The following DIAPH2 variants were observed in gnomAD, a reference collection of about 807,000 sequenced individuals.
DIAPH2 encodes the protein diaphanous related formin 2, also known as protein diaphanous homolog 2.
In DIAPH2, 35 loss-of-function variants were observed where a neutral mutation model predicts 92.7. The observed-to-expected ratio is 0.38, with a 90% CI of 0.29 to 0.50. DIAPH2 has a LOEUF of 0.50. DIAPH2 is among the 20% of genes least tolerant of loss of function. The pLI, the probability that DIAPH2 is intolerant of heterozygous loss-of-function variation, is 0.94. For missense variants in DIAPH2, 701 were observed against 819.5 expected (o/e 0.86, Z 1.77); for synonymous variants, 301 against 280.4 (o/e 1.07, Z -0.73).
At chrX:96,991,178 G>A (rs1453403588) in intron 17 of DIAPH2, among the ~76,000 whole-genome samples, 7 of 108,755 alleles carry the variant, frequency 6.4e-5, no homozygotes, top group East Asian at 2.9e-4. Flanking sequence ...GCAATGGCAC[G>A]ATCTCAGCTC....
At chrX:97,272,570 C>T (rs1031192901) in intron 23 of DIAPH2, among the ~76,000 whole-genome samples, 1 of 111,556 alleles carries the variant, frequency 9.0e-6, no homozygotes, top group Non-Finnish European at 1.9e-5. Flanking sequence ...GAGGTTCATT[C>T]ATTATGTTAG....
chrX:97,036,003 GA>G (rs983385207), intron 17 of DIAPH2, among the ~76,000 whole-genome samples: 19 of 111,438 alleles, frequency 1.7e-4, no homozygotes, highest in Non-Finnish European at 3.6e-4. Context: ...AAAGGAGCCA[GA>G]GAAGTGAGAA....
At position 97,334,998 on chromosome X, in the gene DIAPH2, C is replaced by CAAAAAAAAAAAAAAAAAAAA. The variant is rs746536131; in HGVS notation, c.2845-13100_2845-13099insAAAAAAAAAAAAAAAAAAAA. Among the ~76,000 whole-genome samples, 34 of 31,440 alleles carry CAAAAAAAAAAAAAAAAAAAA rather than the reference C, an allele frequency of 1.1e-3. 1 individual carries two copies. The highest frequency in any genetic ancestry group is 1.8e-3 in the Admixed American group (3 of 1,644). The allele number at this position is 31,440 out of a possible 115,157, so 27.3% of individuals were successfully genotyped here. On this transcript the variant is annotated intron_variant, in intron 23 of 26. Coordinates refer to ENST00000324765, the MANE Select transcript of DIAPH2 (RefSeq NM_006729.5). ...TTCGTCTCAAAAAACAAAAACAAAA[C>CAAAAAAAAAAAAAAAAAAAA]AAAAAAAAAAAAAAAAAAGAGGAAG...
chrX:97,537,179 G>A (rs150333332), intron 26 of DIAPH2, among the ~76,000 whole-genome samples: 1,475 of 111,188 alleles, frequency 0.013, 25 homozygotes, highest in African/African-American at 0.046. Flanking sequence ...GGAGGATAGG[G>A]AGGTATTTCA....
intron 25 of DIAPH2, among the ~76,000 whole-genome samples, chrX:97,389,924 G>A (rs1008962749): frequency 2.7e-5 from 3 of 111,010 alleles, no homozygotes; most frequent in African/African-American, 9.8e-5. Flanking sequence ...AGCTTCTTGT[G>A]GGATCCTTCA....
intron 22 of DIAPH2, among the ~76,000 whole-genome samples, chrX:97,185,309 AT>A: frequency 2.2e-5 from 1 of 44,846 alleles, no homozygotes; most frequent in Admixed American, 3.2e-4. Flanking sequence ...AAAAAAAAAT[AT>A]ATATATATAT....
At position 96,825,122 on chromosome X, in the gene DIAPH2, T is replaced by C. The variant is rs1280368057; in HGVS notation, c.448-56457T>C. Among the ~76,000 whole-genome samples the C allele has an allele frequency of 8.4e-5, 7 of 83,611 alleles. No homozygotes were observed. The Admixed American group carries it at 1.1e-3, about 13-fold the overall frequency. 72.6% of individuals were successfully genotyped at this position (83,611 alleles called of 115,157 possible). ...CACCACGCCTGGCTAATTTTTGTAT[T>C]TTTTTTTTTTTTTAGTACATATGGG... On this transcript the variant is annotated intron_variant, in intron 4 of 26. Coordinates refer to ENST00000324765, the MANE Select transcript of DIAPH2 (RefSeq NM_006729.5).
chrX:96,887,714 TTC>T (rs2065272926), intron 5 of DIAPH2, among the ~76,000 whole-genome samples: 1 of 111,626 alleles, frequency 9.0e-6, no homozygotes, highest in Non-Finnish European at 1.9e-5. Flanking sequence ...TTTTTTCAAT[TTC>T]TGTTTACTTT....
intron 25 of DIAPH2, among the ~76,000 whole-genome samples, chrX:97,397,085 T>A: frequency 9.0e-6 from 1 of 111,727 alleles, no homozygotes; most frequent in East Asian, 2.8e-4. Context: ...AACTTGTTAG[T>A]GGGATAAAAT....
intron 17 of DIAPH2, among the ~76,000 whole-genome samples, chrX:97,023,801 C>A (rs2066313471): frequency 8.9e-6 from 1 of 112,043 alleles, no homozygotes; most frequent in Non-Finnish European, 1.9e-5. Flanking sequence ...TTTTAGATTC[C>A]GTGTTTTCTT....
intron 23 of DIAPH2, among the ~76,000 whole-genome samples, chrX:97,302,978 T>C: frequency 8.9e-6 from 1 of 112,627 alleles, no homozygotes; most frequent in Non-Finnish European, 1.9e-5. Flanking sequence ...AGTGAGACTC[T>C]GTCTCCAAAA....
At chrX:97,011,340 A>T (rs1411851068) in intron 17 of DIAPH2, among the ~76,000 whole-genome samples, 1 of 111,847 alleles carries the variant, frequency 8.9e-6, no homozygotes, top group Non-Finnish European at 1.9e-5. Flanking sequence ...CATCCAAAAA[A>T]ATTTTGAGGA....
intron 18 of DIAPH2, 25 bp downstream of exon 18, chrX:97,073,067 T>C (rs1415854208): frequency 1.9e-6 from 2 of 1,045,521 alleles, no homozygotes; most frequent in Admixed American, 4.9e-5. Context: ...CTTCGTAGGA[T>C]TGGTATAGGT....
At chrX:96,950,488 CACCCA>C (rs1325632349) in intron 15 of DIAPH2, among the ~76,000 whole-genome samples, 2 of 111,574 alleles carry the variant, frequency 1.8e-5, no homozygotes, top group Non-Finnish European at 3.8e-5. Flanking sequence ...TTCCCTGCCC[CACCCA>C]CTGACAAATT....
chrX:97,227,042 A>G (rs1460541430), intron 22 of DIAPH2, among the ~76,000 whole-genome samples: 1 of 110,798 alleles, frequency 9.0e-6, no homozygotes, highest in East Asian at 2.9e-4. Context: ...AGGCCGAGGC[A>G]GGTGGATTGC....
At chrX:97,013,466 G>T (rs1318483482) in intron 17 of DIAPH2, among the ~76,000 whole-genome samples, 2 of 111,984 alleles carry the variant, frequency 1.8e-5, no homozygotes, top group Non-Finnish European at 3.8e-5. Flanking sequence ...TCTGTGTTTA[G>T]TCCATGACTG....
At chrX:97,491,223 C>T (rs2070723266) in intron 26 of DIAPH2, among the ~76,000 whole-genome samples, 1 of 111,000 alleles carries the variant, frequency 9.0e-6, no homozygotes, top group Non-Finnish European at 1.9e-5. Context: ...AAAGTATAGC[C>T]ACTCCTGCTC....
At chrX:97,436,650 C>CTCAAA (rs1365681106) in intron 26 of DIAPH2, among the ~76,000 whole-genome samples, 5 of 111,933 alleles carry the variant, frequency 4.5e-5, no homozygotes, top group African/African-American at 1.6e-4. Context: ...AATAAGAAAA[C>CTCAAA]TCAAATTTTG....
At position 97,599,456 on chromosome X, in the gene DIAPH2, G is replaced by A. The variant is rs1011813611; in HGVS notation, c.*139G>A. Reference sequence around the variant, plus strand: ...ATCAAGATAAGCTGGATGAAGTAGTGTGCATTTGTAATACTATTGCAAGAC... The same window carrying A: ...ATCAAGATAAGCTGGATGAAGTAGTATGCATTTGTAATACTATTGCAAGAC... On this transcript the variant is annotated 3_prime_UTR_variant, in exon 27 of 27. Transcript: ENST00000324765. 2.8e-6 allele frequency: 1 copy of A among 362,785 alleles called. No individual in the cohort carries two copies. The highest frequency in any genetic ancestry group is 5.0e-6 in the Non-Finnish European group (1 of 200,701). The allele number at this position is 362,785 out of a possible 1,213,427, so 29.9% of individuals were successfully genotyped here. A position where few individuals can be genotyped will look rare whatever the true frequency, so the allele number is the denominator to read the frequency against.
Sources: gnomAD v4.1 joint callset for allele counts (sites outside exome capture counted in the v4.1 genomes callset) on GRCh38, gnomAD v4.1.1 for gene constraint, MANE v1.5 for transcripts, NCBI Gene and HGNC (gene_info 2026-07-23, HGNC 2026-07-21) for gene names.